The following ADAM23 variants were observed in gnomAD, a reference collection of about 807,000 sequenced individuals.
The protein encoded by ADAM23 is ADAM metallopeptidase domain 23, also known as disintegrin and metalloproteinase domain-containing protein 23.
ADAM23 carries 33 observed loss-of-function variants against 120.1 expected under a neutral mutation model. The ratio of observed to expected loss-of-function variants is 0.27; its 90% CI spans 0.21 to 0.37. The LOEUF (loss-of-function observed/expected upper bound fraction) is 0.37, where lower values mean the gene tolerates loss of function less well. Ranked by LOEUF, ADAM23 falls within the 10% of genes least tolerant of loss-of-function variation. ADAM23 has a pLI of 1.00. For missense variants in ADAM23, 862 were observed against 1,058.2 expected, an observed-to-expected ratio of 0.81 and a Z score of 2.57; for synonymous variants, 367 against 375.2, an observed-to-expected ratio of 0.98 and a Z score of 0.25.
intron 18 of ADAM23, among the ~76,000 whole-genome samples, chr2:206,582,098 G>A (rs977897664): frequency 6.6e-6 from 1 of 152,130 alleles, no homozygotes; most frequent in Non-Finnish European, 1.5e-5. Context: ...GGCTGGTCTC[G>A]AATTCTTGAC....
At position 206,618,163 on chromosome 2, in the gene ADAM23, G is replaced by T. The variant is rs556376160; in HGVS notation, c.*536G>T. 2.0e-4 allele frequency: 30 copies of T among 152,654 alleles called. No homozygotes were observed. The South Asian group carries it at 5.6e-3, about 28-fold the overall frequency. 9.5% of individuals were successfully genotyped at this position (152,654 alleles called of 1,614,324 possible). On this transcript the variant is annotated 3_prime_UTR_variant, in exon 26 of 26. Coordinates refer to ENST00000264377, the MANE Select transcript of ADAM23 (RefSeq NM_003812.4). ...AAACCTGCAACAGAATTCCTAAAGTGAAGATGACAGATGAACACAAAGAAG... is the reference window on the plus strand; with the variant it reads ...AAACCTGCAACAGAATTCCTAAAGTTAAGATGACAGATGAACACAAAGAAG...
At chr2:206,498,615 C>T (rs532057416) in intron 3 of ADAM23, among the ~76,000 whole-genome samples, 2 of 152,204 alleles carry the variant, frequency 1.3e-5, no homozygotes, top group Non-Finnish European at 2.9e-5. Flanking sequence ...TCTAAAATAC[C>T]AAAAGCAATG....
At chr2:206,525,608 C>G (rs1380073868) in intron 3 of ADAM23, among the ~76,000 whole-genome samples, 1 of 152,020 alleles carries the variant, frequency 6.6e-6, no homozygotes, top group Non-Finnish European at 1.5e-5. Context: ...TTGTTTTATT[C>G]TGAGACAGAG....
At chr2:206,446,421 G>T (rs1428763233) in intron 2 of ADAM23, among the ~76,000 whole-genome samples, 1 of 152,180 alleles carries the variant, frequency 6.6e-6, no homozygotes, top group African/African-American at 2.4e-5. Context: ...ACTTGTTCAG[G>T]TGAGAACAAC....
intron 3 of ADAM23, 42 bp from the exon 4 acceptor site, chr2:206,530,843 T>C (rs368751823): frequency 5.1e-6 from 8 of 1,569,170 alleles, no homozygotes; most frequent in Middle Eastern, 1.7e-4. Context: ...AACCTCCAAG[T>C]GTCTTAGATG....
chr2:206,541,981 C>A, intron 4 of ADAM23, 71 bp from the exon 5 acceptor site: 2 of 1,495,840 alleles, frequency 1.3e-6, no homozygotes, highest in Non-Finnish European at 1.9e-6. Flanking sequence ...TTTCTTTTTG[C>A]TTTATGGAAG....
At chr2:206,488,502 G>A (rs950816667) in intron 3 of ADAM23, among the ~76,000 whole-genome samples, 2 of 152,186 alleles carry the variant, frequency 1.3e-5, no homozygotes, top group East Asian at 1.9e-4. Context: ...TTCTCAAGCT[G>A]TTTACTCCTC....
intron 3 of ADAM23, among the ~76,000 whole-genome samples, chr2:206,508,239 C>G (rs555024762): frequency 6.6e-6 from 1 of 152,168 alleles, no homozygotes; most frequent in East Asian, 1.9e-4. Context: ...CCGTGTTAGC[C>G]AGGATGGTCT....
At chr2:206,501,714 A>T (rs1294838009) in intron 3 of ADAM23, among the ~76,000 whole-genome samples, 1 of 152,088 alleles carries the variant, frequency 6.6e-6, no homozygotes, top group African/African-American at 2.4e-5. Context: ...TTTTGAGTCT[A>T]TAAGAACTTT....
chr2:206,529,996 A>T (rs1322477660), intron 3 of ADAM23, among the ~76,000 whole-genome samples: 1 of 152,224 alleles, frequency 6.6e-6, no homozygotes, highest in South Asian at 2.1e-4. Context: ...ATTTTTGTAG[A>T]GATGGGGTTT....
In ADAM23 at chr2:206,618,629, A is replaced by T. The variant is rs1260381328; in HGVS notation, c.*1002A>T. ...ATGACTCTTGGGCTTGCTTAAAAAG[A>T]CAGATATAGCCACAGATGCAGGGAG... On this transcript the variant is annotated 3_prime_UTR_variant, in exon 26 of 26. Coordinates refer to ENST00000264377, the MANE Select transcript of ADAM23 (RefSeq NM_003812.4). The T allele has an allele frequency of 2.6e-5, 4 of 152,128 alleles. No individual in the cohort carries two copies. Among genetic ancestry groups the T allele is most frequent in the Admixed American group, 2.0e-4 (3 of 15,268 alleles). The allele number at this position is 152,128 out of a possible 1,614,324, so 9.4% of individuals were successfully genotyped here.
chr2:206,527,253 AG>A (rs1696963517), intron 3 of ADAM23, among the ~76,000 whole-genome samples: 2 of 152,240 alleles, frequency 1.3e-5, no homozygotes, highest in Non-Finnish European at 2.9e-5. Flanking sequence ...TAAATAGATG[AG>A]TATTAGCATT....
At chr2:206,484,726 A>G (rs931327359) in intron 3 of ADAM23, among the ~76,000 whole-genome samples, 9 of 152,296 alleles carry the variant, frequency 5.9e-5, no homozygotes, top group African/African-American at 1.9e-4. Flanking sequence ...CTCAAGTGCT[A>G]TCTCCCTTGA....
intron 24 of ADAM23, among the ~76,000 whole-genome samples, chr2:206,606,219 A>G (rs964205875): frequency 2.0e-5 from 3 of 152,174 alleles, no homozygotes; most frequent in Non-Finnish European, 2.9e-5. Flanking sequence ...AAATGCTTTT[A>G]TATGTGTGTT....
At chr2:206,586,580 CTTAT>C (rs1698326319) in intron 18 of ADAM23, among the ~76,000 whole-genome samples, 2 of 152,094 alleles carry the variant, frequency 1.3e-5, no homozygotes, top group Non-Finnish European at 2.9e-5. Flanking sequence ...ACTGCTGTTT[CTTAT>C]TTATTTGCCA....
chr2:206,506,884 G>A (rs2105897288), intron 3 of ADAM23, among the ~76,000 whole-genome samples: 1 of 152,220 alleles, frequency 6.6e-6, no homozygotes, highest in South Asian at 2.1e-4. Context: ...CTTGCATTTT[G>A]ACATGAAACA....
intron 21 of ADAM23, among the ~76,000 whole-genome samples, chr2:206,590,646 A>G (rs573871510): frequency 6.6e-6 from 1 of 152,208 alleles, no homozygotes; most frequent in Non-Finnish European, 1.5e-5. Context: ...TTGATGATGG[A>G]TGAGGCCACA....
At chr2:206,612,132 G>A (rs1385582048) in intron 25 of ADAM23, among the ~76,000 whole-genome samples, 1 of 152,222 alleles carries the variant, frequency 6.6e-6, no homozygotes, top group Non-Finnish European at 1.5e-5. Context: ...TAAATTTGGA[G>A]AATGTGCTAC....
chr2:206,475,167 A>G (rs1695751338), intron 2 of ADAM23, among the ~76,000 whole-genome samples: 1 of 152,214 alleles, frequency 6.6e-6, no homozygotes, highest in Non-Finnish European at 1.5e-5. Flanking sequence ...GCTGTGTTCT[A>G]GATAGACATG....
Sources: gnomAD v4.1 joint callset for allele counts (sites outside exome capture counted in the v4.1 genomes callset) on GRCh38, gnomAD v4.1.1 for gene constraint, MANE v1.5 for transcripts, NCBI Gene and HGNC (gene_info 2026-07-23, HGNC 2026-07-21) for gene names.